Variants in KCNQ5 observed in about 807,000 individuals in gnomAD.
KCNQ5 encodes the protein potassium voltage-gated channel subfamily Q member 5.
In KCNQ5, 30 loss-of-function variants were observed where a neutral mutation model predicts 98.2. The ratio of observed to expected loss-of-function variants is 0.31; its 90% CI spans 0.23 to 0.41. KCNQ5 has a LOEUF of 0.41. KCNQ5 is among the 10% of genes least tolerant of loss of function. KCNQ5 has a pLI of 1.00. For missense variants in KCNQ5, 835 were observed against 1,182.5 expected (o/e 0.71, Z 4.31); for synonymous variants, 458 against 449.4 (o/e 1.02, Z -0.24).
At chr6:73,131,899 G>A (rs563789184) in intron 9 of KCNQ5, among the ~76,000 whole-genome samples, 1 of 152,268 alleles carries the variant, frequency 6.6e-6, no homozygotes, top group East Asian at 1.9e-4. Context: ...AGTCATGCTG[G>A]ACTTAGCTGT....
At chr6:72,892,965 T>C (rs1779113906) in intron 1 of KCNQ5, among the ~76,000 whole-genome samples, 1 of 152,036 alleles carries the variant, frequency 6.6e-6, no homozygotes, top group Non-Finnish European at 1.5e-5. Context: ...TAGGAAAAAA[T>C]AGACATATGG....
intron 3 of KCNQ5, chr6:73,055,464 T>C (rs549580592): frequency 1.3e-6 from 2 of 1,552,318 alleles, no homozygotes; most frequent in Admixed American, 1.7e-5. Flanking sequence ...CCACCTCCGA[T>C]GGAGCCCTAC....
In KCNQ5 at chr6:73,120,519, G is replaced by A. The variant is rs1430363085; in HGVS notation, c.1162G>A (p.Val388Ile). Residue 388 changes from valine to isoleucine, a missense_variant, in exon 8 of 14, where the codon GTT (valine) becomes ATT (isoleucine). Val to Ile is a conservative substitution (Grantham distance 29, BLOSUM62 3). Around this residue, in one of 10 missense-constraint regions of KCNQ5, gnomAD observed 146 missense variants for 256.7 expected, o/e 0.57. Transcript: ENST00000370398. ...TAGTTACGCAGCTGATGAGAAATCTGTTTCCATTGCAACCTGGAAGCCACA... is the reference window on the plus strand; with the variant it reads ...TAGTTACGCAGCTGATGAGAAATCTATTTCCATTGCAACCTGGAAGCCACA... ...WRSYAADEKSVSIATWKPHLK... is the reference protein window; with the variant it reads ...WRSYAADEKSISIATWKPHLK... The A allele has an allele frequency of 6.2e-7, 1 of 1,611,982 alleles. No homozygotes were observed. Among genetic ancestry groups the A allele is most frequent in the East Asian group, 2.2e-5 (1 of 44,826 alleles).
chr6:73,089,216 A>G (rs1420194668), intron 5 of KCNQ5, among the ~76,000 whole-genome samples: 2 of 152,200 alleles, frequency 1.3e-5, no homozygotes, highest in Non-Finnish European at 2.9e-5. Context: ...TCTAGTTGGG[A>G]AGGCAAACAA....
At chr6:72,635,215 A>G (rs775505295) in intron 1 of KCNQ5, among the ~76,000 whole-genome samples, 1 of 151,794 alleles carries the variant, frequency 6.6e-6, no homozygotes, top group Non-Finnish European at 1.5e-5. Flanking sequence ...TTATTTGTAG[A>G]GACAGGGTCT....
chr6:72,906,248 C>A (rs560158357), intron 1 of KCNQ5, among the ~76,000 whole-genome samples: 1 of 152,188 alleles, frequency 6.6e-6, no homozygotes, highest in South Asian at 2.1e-4. Context: ...TCCCACCATG[C>A]CCCTGCTAGC....
chr6:72,889,340 C>T (rs9446782), intron 1 of KCNQ5, among the ~76,000 whole-genome samples: 6,718 of 151,356 alleles, frequency 0.044, 429 homozygotes, highest in African/African-American at 0.14. Flanking sequence ...CTTGGAGCCT[C>T]GGAAGCCACT....
intron 1 of KCNQ5, among the ~76,000 whole-genome samples, chr6:72,825,908 T>C (rs745915180): frequency 4.6e-5 from 7 of 152,128 alleles, no homozygotes; most frequent in Admixed American, 2.0e-4. Context: ...TTAATCAGAT[T>C]AAATATAGGA....
intron 1 of KCNQ5, chr6:72,986,659 G>T: frequency 2.5e-6 from 2 of 814,600 alleles, no homozygotes; most frequent in Non-Finnish European, 4.1e-6. Context: ...ATCCCAGGAA[G>T]CAGGTGCTTG....
intron 1 of KCNQ5, chr6:72,677,079 C>G (rs1355278351): frequency 6.6e-6 from 1 of 152,078 alleles, no homozygotes; most frequent in African/African-American, 2.4e-5. Flanking sequence ...CTCAGTTTAC[C>G]TTGTTTCCCT....
intron 1 of KCNQ5, among the ~76,000 whole-genome samples, chr6:72,919,567 G>C (rs1206715596): frequency 6.6e-6 from 1 of 152,102 alleles, no homozygotes; most frequent in Non-Finnish European, 1.5e-5. Context: ...AAATCAAGCA[G>C]TTGATAGATG....
chr6:72,680,479 A>G (rs551600937), intron 1 of KCNQ5, among the ~76,000 whole-genome samples: 8 of 152,242 alleles, frequency 5.3e-5, no homozygotes, highest in Non-Finnish European at 1.2e-4. Context: ...AATTCTGAAG[A>G]GTAGGAGCAG....
At chr6:73,190,859 T>C (rs1207121269) in intron 12 of KCNQ5, among the ~76,000 whole-genome samples, 155 bp downstream of exon 12, 2 of 152,346 alleles carry the variant, frequency 1.3e-5, no homozygotes, top group Admixed American at 1.3e-4. Context: ...TTTATTTTGC[T>C]TTTAACATAG....
intron 5 of KCNQ5, among the ~76,000 whole-genome samples, chr6:73,100,520 A>AT: frequency 6.6e-6 from 1 of 150,796 alleles, no homozygotes; most frequent in Non-Finnish European, 1.5e-5. Flanking sequence ...ACAAAAAAAA[A>AT]TAGCTGGGCG....
intron 1 of KCNQ5, among the ~76,000 whole-genome samples, chr6:72,879,165 C>A (rs1192979269): frequency 6.6e-6 from 1 of 152,116 alleles, no homozygotes; most frequent in African/African-American, 2.4e-5. Flanking sequence ...AGGTTCTGCT[C>A]ACTTTTAATT....
chr6:72,872,072 C>T (rs1157770344), intron 1 of KCNQ5, among the ~76,000 whole-genome samples: 1 of 152,156 alleles, frequency 6.6e-6, no homozygotes, highest in African/African-American at 2.4e-5. Flanking sequence ...AGAGTTTCTT[C>T]AGTCTTTGAA....
chr6:73,119,659 C>T (rs1775663172), intron 7 of KCNQ5, among the ~76,000 whole-genome samples: 1 of 152,180 alleles, frequency 6.6e-6, no homozygotes, highest in Non-Finnish European at 1.5e-5. Flanking sequence ...TTAATTCAAT[C>T]ACTAGCATAC....
chr6:73,132,498 T>C (rs529065828), intron 9 of KCNQ5, among the ~76,000 whole-genome samples: 1 of 152,348 alleles, frequency 6.6e-6, no homozygotes, highest in South Asian at 2.1e-4. Flanking sequence ...AAGTTAGAGA[T>C]GAGAACCCTA....
At chr6:72,911,488 T>C (rs1779939542) in intron 1 of KCNQ5, among the ~76,000 whole-genome samples, 1 of 152,080 alleles carries the variant, frequency 6.6e-6, no homozygotes, top group Non-Finnish European at 1.5e-5. Context: ...ATTTCCATCA[T>C]TTGCAAGCCA....
Sources: allele counts gnomAD v4.1 joint callset (sites outside exome capture counted in the v4.1 genomes callset), GRCh38; gene constraint gnomAD v4.1.1; regional missense constraint gnomAD v4.1.1; transcripts MANE v1.5; gene names NCBI Gene and HGNC (gene_info 2026-07-23, HGNC 2026-07-21).